Variants in DLGAP1 observed in about 807,000 individuals in gnomAD.
DLGAP1 encodes the protein disks large-associated protein 1.
In DLGAP1, 11 loss-of-function variants were observed where a neutral mutation model predicts 90.8. That is an observed-to-expected ratio of 0.12 (90% confidence interval 0.08 to 0.20). DLGAP1 has a LOEUF of 0.20. Among genes scored for constraint, DLGAP1 ranks in the 10% least tolerant of loss-of-function variants. DLGAP1 has a pLI of 1.00. For synonymous variants in DLGAP1, 558 were observed against 540.7 expected, an observed-to-expected ratio of 1.03 and a Z score of -0.44; for missense variants, 1,050 against 1,333.8, an observed-to-expected ratio of 0.79 and a Z score of 3.31.
At chr18:3,888,811 A>C (rs1176058545) in intron 3 of DLGAP1, among the ~76,000 whole-genome samples, 2 of 152,162 alleles carry the variant, frequency 1.3e-5, no homozygotes, top group African/African-American at 4.8e-5. Flanking sequence ...TAAACGATAA[A>C]ATCTCCTAAT....
chr18:3,875,081 T>C (rs1418779525), intron 4 of DLGAP1, among the ~76,000 whole-genome samples: 1 of 152,216 alleles, frequency 6.6e-6, no homozygotes, highest in African/African-American at 2.4e-5. Flanking sequence ...TATTGGTGAT[T>C]ACTAATTTCA....
intron 1 of DLGAP1, among the ~76,000 whole-genome samples, chr18:4,340,203 A>G (rs956792201): frequency 6.6e-6 from 1 of 152,190 alleles, no homozygotes; most frequent in Non-Finnish European, 1.5e-5. Context: ...TAAGGGTTAT[A>G]TGAACACAAG....
Position 3,879,389 on chromosome 18 carries a change from C to T in DLGAP1, c.680G>A (p.Cys227Tyr), listed in dbSNP as rs757571757. The T allele has an allele frequency of 1.9e-6, 3 of 1,613,082 alleles. No homozygotes were observed. The highest frequency in any genetic ancestry group is 1.1e-5 in the South Asian group (1 of 91,078). Residue 227 changes from cysteine (C) to tyrosine (Y), a missense_variant, in exon 4 of 13, where the codon TGC becomes TAC. Cys to Tyr is a radical substitution (Grantham distance 194). Coordinates refer to ENST00000315677, the MANE Select transcript of DLGAP1 (RefSeq NM_004746.4). This position sits in a 1 kb window ranked among gnomAD's most constrained non-coding sequence, Gnocchi z 6.6. ...APSGVMTMGR[C>Y]PDRSASQYFL... The stretch of plus-strand genomic sequence containing the variant: ...GTACTGTGAGGCCGAGCGGTCGGGG[C>T]ACCTGCCCATGGTCATCACGCCCGA...
At chr18:3,762,336 C>T (rs1343116225) in intron 5 of DLGAP1, among the ~76,000 whole-genome samples, 1 of 152,160 alleles carries the variant, frequency 6.6e-6, no homozygotes, top group African/African-American at 2.4e-5. Context: ...GATGTAGTGA[C>T]AGTTTAAATT....
intron 7 of DLGAP1, among the ~76,000 whole-genome samples, chr18:3,627,959 C>T (rs1047395915): frequency 6.8e-6 from 1 of 148,102 alleles, no homozygotes; most frequent in Admixed American, 6.9e-5. Flanking sequence ...CTCACTGCAA[C>T]CTCCCACCTC....
chr18:3,590,528 T>G (rs1242417934), intron 7 of DLGAP1, among the ~76,000 whole-genome samples: 3 of 152,140 alleles, frequency 2.0e-5, no homozygotes, highest in African/African-American at 7.2e-5. Flanking sequence ...GTTTGCAAAC[T>G]GTGTCACAGT....
At position 3,615,239 on chromosome 18, in the gene DLGAP1, A is replaced by G. The variant is rs139373281; in HGVS notation, c.1592-32991T>C. Among the ~76,000 whole-genome samples, 337 of 152,282 alleles carry G rather than the reference A, an allele frequency of 2.2e-3. 1 individual carries two copies. The highest frequency in any genetic ancestry group is 7.0e-3 in the African/African-American group (290 of 41,554). On this transcript the variant is annotated intron_variant, in intron 7 of 12. Coordinates refer to ENST00000315677, the MANE Select transcript of DLGAP1 (RefSeq NM_004746.4). ...GCCCAGCAGACAAAATAATTTTTAA[A>G]AAGATGCATAAATAGAGTTGATAAT...
chr18:3,841,171 C>G (rs556613610), intron 4 of DLGAP1, among the ~76,000 whole-genome samples: 2 of 152,258 alleles, frequency 1.3e-5, no homozygotes, highest in South Asian at 4.1e-4. Flanking sequence ...GAAGGGCCAA[C>G]TGAGTTCAGG....
chr18:4,015,864 T>C lies in DLGAP1; in HGVS notation c.-158-10663A>G, dbSNP rs71358034. ...ATTTATATCTCTATCCATCAATCTA[T>C]CCCACTGTTGAGCTAACAATTCTTA... is the stretch of plus-strand genomic sequence containing the variant. On this transcript the variant is annotated intron_variant, in intron 2 of 12. Coordinates refer to ENST00000315677, the MANE Select transcript of DLGAP1 (RefSeq NM_004746.4). Among the ~76,000 whole-genome samples the C allele has an allele frequency of 2.2e-4, 34 of 152,314 alleles. 1 individual carries two copies. The highest frequency in any genetic ancestry group is 7.7e-4 in the African/African-American group (32 of 41,566).
At chr18:4,078,993 C>A (rs925462916) in intron 2 of DLGAP1, among the ~76,000 whole-genome samples, 10 of 152,004 alleles carry the variant, frequency 6.6e-5, no homozygotes, top group Admixed American at 6.6e-5. Flanking sequence ...TTGTTCATAA[C>A]CCTTAGATGA....
At chr18:4,437,812 G>T (rs199826526) in intron 1 of DLGAP1, among the ~76,000 whole-genome samples, 1 of 14 alleles carries the variant, frequency 0.071, no homozygotes, top group Non-Finnish European at 0.5. Flanking sequence ...TACAGTTGGA[G>T]GGTTATATTA....
At chr18:4,432,865 C>T (rs994448438) in intron 1 of DLGAP1, among the ~76,000 whole-genome samples, 1 of 152,128 alleles carries the variant, frequency 6.6e-6, no homozygotes, top group Non-Finnish European at 1.5e-5. Flanking sequence ...TACTTGAATT[C>T]AGTTCTCCCA....
chr18:3,506,779 T>C (rs967438280), intron 11 of DLGAP1, among the ~76,000 whole-genome samples: 2 of 151,780 alleles, frequency 1.3e-5, no homozygotes, highest in African/African-American at 4.8e-5. Flanking sequence ...AGCTTTCTTA[T>C]ATTTAAAGCA....
chr18:4,031,373 C>T (rs1055312106), intron 2 of DLGAP1, among the ~76,000 whole-genome samples: 1 of 152,146 alleles, frequency 6.6e-6, no homozygotes, highest in Non-Finnish European at 1.5e-5. Flanking sequence ...TACCAAACTA[C>T]TGAAAACATT....
chr18:4,313,913 G>A (rs2080462416), intron 1 of DLGAP1, among the ~76,000 whole-genome samples: 1 of 152,156 alleles, frequency 6.6e-6, no homozygotes, highest in Non-Finnish European at 1.5e-5. Context: ...TAGCTAAAGT[G>A]CAGCCCAGGG....
chr18:4,187,759 A>G (rs1378622814), intron 1 of DLGAP1, among the ~76,000 whole-genome samples: 1 of 152,082 alleles, frequency 6.6e-6, no homozygotes, highest in Non-Finnish European at 1.5e-5. Flanking sequence ...GCAATTTGGG[A>G]GGCTGAGGTA....
At chr18:3,569,288 C>A (rs2087711351) in intron 8 of DLGAP1, among the ~76,000 whole-genome samples, 1 of 151,956 alleles carries the variant, frequency 6.6e-6, no homozygotes, top group African/African-American at 2.4e-5. Context: ...GCGTGAGCCA[C>A]CGCACCTGGA....
chr18:3,755,225 G>C (rs2063672625), intron 5 of DLGAP1, among the ~76,000 whole-genome samples: 1 of 151,880 alleles, frequency 6.6e-6, no homozygotes. Flanking sequence ...GAGGAACAGA[G>C]GCAACAAAGA....
chr18:4,385,492 G>T (rs2082212082), intron 1 of DLGAP1, among the ~76,000 whole-genome samples: 1 of 151,866 alleles, frequency 6.6e-6, no homozygotes, highest in South Asian at 2.1e-4. Context: ...AACCTTAGCA[G>T]AAAACTCTGT....
Sources: gnomAD v4.1 joint callset for allele counts (sites outside exome capture counted in the v4.1 genomes callset) on GRCh38, gnomAD v4.1.1 for gene constraint, Gnocchi (gnomAD v3.1) non-coding constraint, MANE v1.5 for transcripts, NCBI Gene and HGNC (gene_info 2026-07-23, HGNC 2026-07-21) for gene names.